The following CENPX variants were observed in gnomAD, a reference collection of about 807,000 sequenced individuals.
The protein encoded by CENPX is FANCM associated histone fold protein 2.
Under a neutral mutation model 13.2 loss-of-function variants are expected in CENPX, and 13 were observed. That is an observed-to-expected ratio of 0.98 (90% CI 0.64 to 1.56). CENPX has a LOEUF of 1.56. CENPX is among the 40% of genes most tolerant of loss of function. The pLI is 0.00. For synonymous variants in CENPX, 66 were observed against 47.2 expected (o/e 1.40, Z -1.63); for missense variants, 138 against 107.5 (o/e 1.28, Z -1.26).
chr17:82,022,785 G>C, intron 1 of CENPX, 41 bp downstream of exon 1: 1 of 1,552,638 alleles, frequency 6.4e-7, no homozygotes, highest in Non-Finnish European at 8.7e-7. Context: ...GGTCGGGACG[G>C]AGCGTCCGCG....
At chr17:82,022,786 A>C in intron 1 of CENPX, 40 bp downstream of exon 1, 3 of 1,553,640 alleles carry the variant, frequency 1.9e-6, no homozygotes, top group Non-Finnish European at 2.6e-6. Flanking sequence ...GTCGGGACGG[A>C]GCGTCCGCGC....
intron 4 of CENPX, 29 bp from the exon 5 acceptor site, chr17:82,019,248 G>C: frequency 6.3e-7 from 1 of 1,596,778 alleles, no homozygotes; most frequent in East Asian, 2.2e-5. Context: ...CTTAGGGCCA[G>C]CCAGCCGGGC....
Position 82,019,399 on chromosome 17 carries a change from A to C in CENPX, c.143-18T>G, listed in dbSNP as rs1008095659. The C allele has an allele frequency of 2.9e-5, 44 of 1,538,442 alleles. No individual in the cohort carries two copies. The highest frequency in any genetic ancestry group is 3.8e-5 in the Non-Finnish European group (43 of 1,144,714). ...TGCTGCTTCTGCGGTGAGAAACGCG[A>C]GAGGTGGGGGATGCTGGGGGGATCT... is the stretch of plus-strand genomic sequence containing the variant. On this transcript the variant is annotated intron_variant, in intron 3 of 4. Coordinates refer to ENST00000392359, the MANE Select transcript of CENPX (RefSeq NM_001271006.2).
intron 3 of CENPX, 63 bp downstream of exon 3, chr17:82,019,578 C>A: frequency 6.5e-7 from 1 of 1,549,608 alleles, no homozygotes; most frequent in South Asian, 1.2e-5. Context: ...TCTTGGTTTT[C>A]CCGCTGGAAA....
At chr17:82,022,729 G>A (rs939688343) in intron 1 of CENPX, 97 bp downstream of exon 1, 7 of 1,407,986 alleles carry the variant, frequency 5.0e-6, no homozygotes, top group Non-Finnish European at 5.8e-6. Flanking sequence ...AAGGCACAGG[G>A]GGCGGCGCGG....
rs745470622 is a variant in CENPX at position 82,022,807 on chromosome 17, C to A, written c.36+19G>T. On this transcript the variant is annotated intron_variant, in intron 1 of 4. Coordinates refer to ENST00000392359, the MANE Select transcript of CENPX (RefSeq NM_001271006.2). ...ACGGAGCGTCCGCGCCTGCCTAGCC[C>A]CTGCCCTCCGGCCCTCACCTTCCGG... The A allele has an allele frequency of 1.3e-5, 21 of 1,579,230 alleles. No individual in the cohort carries two copies. In the African/African-American group the frequency reaches 1.7e-4, roughly 13 times the overall value.
chr17:82,019,804 G>T lies in CENPX; in HGVS notation c.88+54C>A. ...TTGGCCCTGCAGAGTTGCAGGAAAG[G>T]GTCCCTGAGGACAGACACGGGGACC... On this transcript the variant is annotated intron_variant, in intron 2 of 4. Transcript: ENST00000392359. The T allele has an allele frequency of 6.3e-6, 10 of 1,582,906 alleles. No homozygotes were observed. The South Asian group carries it at 8.1e-5, about 13-fold the overall frequency.
chr17:82,019,604 A>G, intron 3 of CENPX, 37 bp downstream of exon 3: 1 of 1,550,176 alleles, frequency 6.5e-7, no homozygotes, highest in Non-Finnish European at 8.7e-7. Context: ...AAAATTCCGG[A>G]TGCTGTGCCC....
intron 1 of CENPX, among the ~76,000 whole-genome samples, chr17:82,020,149 C>T (rs1048082043): frequency 2.6e-5 from 4 of 152,208 alleles, no homozygotes; most frequent in African/African-American, 9.7e-5. Flanking sequence ...GGCTGGGAGC[C>T]TCCCTACGGC....
intron 1 of CENPX, among the ~76,000 whole-genome samples, chr17:82,021,740 G>A (rs1369748962): frequency 2.0e-5 from 3 of 152,210 alleles, no homozygotes; most frequent in Non-Finnish European, 2.9e-5. Flanking sequence ...TGTGTACCCA[G>A]TGCCCCGTCT....
rs1427139785 is a variant in CENPX at position 82,019,147 on chromosome 17, G to T, written c.*58C>A. ...TATCAGAGGCCGCTGGAAACACAAGGCCTGCTTCTGTGGACCAGGGGCTCC... is the reference window on the plus strand; with the variant it reads ...TATCAGAGGCCGCTGGAAACACAAGTCCTGCTTCTGTGGACCAGGGGCTCC... On this transcript the variant is annotated 3_prime_UTR_variant, in exon 5 of 5. Transcript: ENST00000392359. 2 of 1,506,322 alleles carry T rather than the reference G, an allele frequency of 1.3e-6. No individual in the cohort carries two copies. The highest frequency in any genetic ancestry group is 2.3e-5 in the East Asian group (1 of 43,492). 93.3% of individuals were successfully genotyped at this position (1,506,322 alleles called of 1,614,324 possible). A position where few individuals can be genotyped will look rare whatever the true frequency, so the allele number is the denominator to read the frequency against.
chr17:82,019,734 C>T (rs1374187588), intron 2 of CENPX, 40 bp from the exon 3 acceptor site: 43 of 1,550,112 alleles, frequency 2.8e-5, no homozygotes, highest in African/African-American at 4.1e-5. Flanking sequence ...CCTCACCCAC[C>T]GCTCTGGCTG....
intron 1 of CENPX, among the ~76,000 whole-genome samples, chr17:82,020,916 G>C (rs1458140735): frequency 6.6e-6 from 1 of 152,194 alleles, no homozygotes; most frequent in African/African-American, 2.4e-5. Flanking sequence ...GCAGCCCTGG[G>C]TGGCTGGTGG....
chr17:82,022,460 C>T (rs1015761058), intron 1 of CENPX, among the ~76,000 whole-genome samples: 1 of 152,380 alleles, frequency 6.6e-6, no homozygotes, highest in Non-Finnish European at 1.5e-5. Context: ...TCACTGTCCC[C>T]GTCCTGGGGC....
At chr17:82,021,851 A>C (rs1006283637) in intron 1 of CENPX, among the ~76,000 whole-genome samples, 3 of 152,172 alleles carry the variant, frequency 2.0e-5, no homozygotes, top group African/African-American at 7.2e-5. Flanking sequence ...TCCGGCAAGA[A>C]TCTTCAACTC....
intron 1 of CENPX, among the ~76,000 whole-genome samples, chr17:82,022,007 C>T (rs2043294156): frequency 6.6e-6 from 1 of 152,200 alleles, no homozygotes; most frequent in Non-Finnish European, 1.5e-5. Context: ...TCACAAGGGC[C>T]TGAGACCCTC....
At chr17:82,022,412 C>G (rs921744654) in intron 1 of CENPX, among the ~76,000 whole-genome samples, 2 of 152,228 alleles carry the variant, frequency 1.3e-5, no homozygotes, top group African/African-American at 4.8e-5. Context: ...TGCCTGGCGG[C>G]TGGGGTAGGT....
intron 1 of CENPX, among the ~76,000 whole-genome samples, chr17:82,020,483 C>T (rs1464932570): frequency 2.0e-5 from 3 of 152,180 alleles, no homozygotes; most frequent in African/African-American, 7.2e-5. Context: ...GTCCTGGGAG[C>T]GCAGAGCGGG....
chr17:82,021,631 C>T (rs2043284598), intron 1 of CENPX, among the ~76,000 whole-genome samples: 1 of 152,252 alleles, frequency 6.6e-6, no homozygotes, highest in African/African-American at 2.4e-5. Context: ...CCGTCATTCT[C>T]ACGCTCATTC....
Sources: allele counts gnomAD v4.1 joint callset (sites outside exome capture counted in the v4.1 genomes callset), GRCh38; gene constraint gnomAD v4.1.1; transcripts MANE v1.5; gene names NCBI Gene and HGNC (gene_info 2026-07-23, HGNC 2026-07-21).